The following AAK1 variants were observed in gnomAD, a reference collection of about 807,000 sequenced individuals.
AAK1 encodes AP2 associated kinase 1.
A neutral mutation model predicts 116.0 loss-of-function variants in AAK1; 37 were observed. The observed-to-expected ratio is 0.32, with a 90% CI of 0.25 to 0.42. The LOEUF is 0.42. AAK1 is among the 10% of genes least tolerant of loss of function. AAK1 has a pLI of 1.00. For synonymous variants in AAK1, 458 were observed against 439.9 expected, an observed-to-expected ratio of 1.04 and a Z score of -0.51; for missense variants, 919 against 1,170.6, an observed-to-expected ratio of 0.79 and a Z score of 3.14.
In AAK1 at chr2:69,468,315, G is replaced by T. The variant is rs1250913455; in HGVS notation, c.*7554C>A. 2.0e-6 allele frequency: 2 copies of T among 985,178 alleles called. No individual in the cohort carries two copies. The highest frequency in any genetic ancestry group is 2.4e-6 in the Non-Finnish European group (2 of 829,884). The allele number at this position is 985,178 out of a possible 1,614,324, so 61.0% of individuals were successfully genotyped here. A position where few individuals can be genotyped will look rare whatever the true frequency, so the allele number is the denominator to read the frequency against. ...GTGATACCAAGATGATAATTTCTGG[G>T]AGGAAATTCAAATAAAAGGGAGAAA... On this transcript the variant is annotated 3_prime_UTR_variant, in exon 22 of 22. Transcript: ENST00000409085.
Position 69,609,410 on chromosome 2 carries a change from G to A in AAK1, c.163+33468C>T, listed in dbSNP as rs1057328454. Among the ~76,000 whole-genome samples, 7 of 147,890 alleles carry A rather than the reference G, an allele frequency of 4.7e-5. No homozygotes were observed. In the East Asian group the frequency reaches 6.2e-4, roughly 13 times the overall value. On this transcript the variant is annotated intron_variant, in intron 2 of 21. Transcript: ENST00000409085. The stretch of plus-strand genomic sequence containing the variant: ...AAAATTAAAAATCCAGGCCAGGCAC[G>A]GTGGCTCAGGCCTGTAATCCCAGCA...
At chr2:69,636,456 T>C (rs1479637394) in intron 2 of AAK1, among the ~76,000 whole-genome samples, 1 of 152,210 alleles carries the variant, frequency 6.6e-6, no homozygotes, top group African/African-American at 2.4e-5. Flanking sequence ...AGGACATGAA[T>C]ATAACTTACA....
chr2:69,537,276 T>G (rs971541213), intron 5 of AAK1, among the ~76,000 whole-genome samples: 6 of 152,246 alleles, frequency 3.9e-5, no homozygotes, highest in African/African-American at 1.4e-4. Flanking sequence ...AGGAGAGATC[T>G]TCAATATAGA....
intron 2 of AAK1, among the ~76,000 whole-genome samples, chr2:69,621,697 C>G (rs561084827): frequency 6.6e-6 from 1 of 152,294 alleles, no homozygotes; most frequent in East Asian, 1.9e-4. Context: ...CTGATCATGG[C>G]CAACTACGAA....
At chr2:69,532,740 GAATT>G (rs1670308191) in intron 5 of AAK1, among the ~76,000 whole-genome samples, 1 of 152,152 alleles carries the variant, frequency 6.6e-6, no homozygotes. Flanking sequence ...AGGATATTCA[GAATT>G]AATATTGCTT....
chr2:69,483,119 A>C (rs1675159300), intron 17 of AAK1, among the ~76,000 whole-genome samples: 1 of 152,194 alleles, frequency 6.6e-6, no homozygotes. Context: ...TTAAGTGTAC[A>C]ATGTGGTTAG....
In AAK1 at chr2:69,467,758, T is replaced by C. The variant is rs1189203564; in HGVS notation, c.*8111A>G. On this transcript the variant is annotated 3_prime_UTR_variant, in exon 22 of 22. Transcript: ENST00000409085. Reference sequence around the variant, plus strand: ...ATTATCCCCTGCTAAAGTTTCTGCATGAATTAAGCACACAGACCACAGCAG... The same window carrying C: ...ATTATCCCCTGCTAAAGTTTCTGCACGAATTAAGCACACAGACCACAGCAG... 1 of 985,336 alleles carries C rather than the reference T, an allele frequency of 1.0e-6. No homozygotes were observed. Among genetic ancestry groups the C allele is most frequent in the African/African-American group, 1.7e-5 (1 of 57,240 alleles). 61.0% of individuals were successfully genotyped at this position (985,336 alleles called of 1,614,324 possible).
At chr2:69,578,570 C>T (rs1371653425) in intron 2 of AAK1, among the ~76,000 whole-genome samples, 1 of 152,188 alleles carries the variant, frequency 6.6e-6, no homozygotes, top group East Asian at 1.9e-4. Context: ...CTTTCCACCA[C>T]CCCAATCTAC....
At chr2:69,640,014 AACACACACACACACACAC>A (rs376034914) in intron 2 of AAK1, among the ~76,000 whole-genome samples, 1 of 103,750 alleles carries the variant, frequency 9.6e-6, no homozygotes, top group Non-Finnish European at 1.9e-5. Flanking sequence ...ACTCCCCTTT[AACACACACACACACACAC>A]ACACACACAC....
chr2:69,640,472 C>T (rs1054787723), intron 2 of AAK1, among the ~76,000 whole-genome samples: 1 of 145,028 alleles, frequency 6.9e-6, no homozygotes, highest in African/African-American at 2.7e-5. Context: ...TGCTGGTAAC[C>T]ATGCTACTGT....
Position 69,469,325 on chromosome 2 carries a change from A to T in AAK1, c.*6544T>A, listed in dbSNP as rs1425618102. On this transcript the variant is annotated 3_prime_UTR_variant, in exon 22 of 22. Transcript: ENST00000409085. ...CAGCACCAGAAACAAGGTAGTCGAGAGAAGGATAAATTCCAAATATACTAG... is the reference window on the plus strand; with the variant it reads ...CAGCACCAGAAACAAGGTAGTCGAGTGAAGGATAAATTCCAAATATACTAG... The T allele has an allele frequency of 1.0e-6, 1 of 985,358 alleles. No individual in the cohort carries two copies. Among genetic ancestry groups the T allele is most frequent in the Non-Finnish European group, 1.2e-6 (1 of 829,954 alleles). The allele number at this position is 985,358 out of a possible 1,614,324, so 61.0% of individuals were successfully genotyped here. A position where few individuals can be genotyped will look rare whatever the true frequency, so the allele number is the denominator to read the frequency against.
At chr2:69,490,184 C>CA (rs1675465655) in intron 17 of AAK1, among the ~76,000 whole-genome samples, 1 of 152,168 alleles carries the variant, frequency 6.6e-6, no homozygotes, top group Non-Finnish European at 1.5e-5. Context: ...TTATAAAGAT[C>CA]GTTTCCTCAA....
rs1000616861 is a variant in AAK1, at chr2:69,469,084, C to T, written c.*6785G>A. On this transcript the variant is annotated 3_prime_UTR_variant, in exon 22 of 22. Transcript: ENST00000409085. ...CTATCTTTCTTTCAGCATCAACAGGCTTTGTAGGAATGGAAAAGTACATTT... is the reference window on the plus strand; with the variant it reads ...CTATCTTTCTTTCAGCATCAACAGGTTTTGTAGGAATGGAAAAGTACATTT... The T allele has an allele frequency of 8.0e-5, 79 of 985,406 alleles. No homozygotes were observed. The Middle Eastern group carries it at 1.6e-3, about 20-fold the overall frequency. 61.0% of individuals were successfully genotyped at this position (985,406 alleles called of 1,614,324 possible).
intron 2 of AAK1, among the ~76,000 whole-genome samples, chr2:69,580,617 C>G (rs1213958231): frequency 1.3e-5 from 2 of 152,208 alleles, no homozygotes; most frequent in Admixed American, 1.3e-4. Context: ...GTCAGTAGCA[C>G]TTTTGCTCCA....
intron 2 of AAK1, among the ~76,000 whole-genome samples, chr2:69,570,138 C>T (rs1672034808): frequency 6.6e-6 from 1 of 151,986 alleles, no homozygotes; most frequent in African/African-American, 2.4e-5. Context: ...TGAATATTGC[C>T]CTTTCCTCAC....
intron 2 of AAK1, among the ~76,000 whole-genome samples, chr2:69,605,117 G>A (rs1427494802): frequency 6.6e-6 from 1 of 152,132 alleles, no homozygotes; most frequent in African/African-American, 2.4e-5. Context: ...CCTGGAGTCA[G>A]CCCAGTCCTT....
At chr2:69,585,368 T>C (rs1239054601) in intron 2 of AAK1, among the ~76,000 whole-genome samples, 1 of 152,168 alleles carries the variant, frequency 6.6e-6, no homozygotes, top group East Asian at 1.9e-4. Flanking sequence ...AGCCAGGAGA[T>C]ATTCTTAAGC....
chr2:69,527,261 G>C lies in AAK1; in HGVS notation c.930C>G (p.Phe310Leu), dbSNP rs754153070. 5.6e-6 allele frequency: 9 copies of C among 1,610,316 alleles called. No homozygotes were observed. In the South Asian group the frequency reaches 1.0e-4, roughly 18 times the overall value. The change falls in exon 9 of 22, where the codon TTC becomes TTG. Residue 310 changes from phenylalanine (F) to leucine (L), a missense_variant. Physicochemically the swap from Phe to Leu is conservative, Grantham distance 22 (BLOSUM62 0). Transcript: ENST00000409085. The part of the protein sequence containing the change: ...KRPDIYQVSY[F>L]SFKLLKKECP... The stretch of plus-strand genomic sequence containing the variant: ...ACTCTTTCTTGAGTAGCTTAAATGA[G>C]AAGTAGGACACCTGGTAAATATCCG...
intron 12 of AAK1, among the ~76,000 whole-genome samples, chr2:69,517,477 A>T (rs1676630861): frequency 7.1e-6 from 1 of 141,210 alleles, no homozygotes; most frequent in Non-Finnish European, 1.6e-5. Context: ...TCCTTTTTTT[A>T]AAAATATTTT....
Sources: gnomAD v4.1 joint callset for allele counts (sites outside exome capture counted in the v4.1 genomes callset) on GRCh38, gnomAD v4.1.1 for gene constraint, MANE v1.5 for transcripts, NCBI Gene and HGNC (gene_info 2026-07-23, HGNC 2026-07-21) for gene names.